DSE: variants seen among roughly 807,000 people sequenced by gnomAD.
DSE encodes dermatan sulfate epimerase, also known as dermatan-sulfate epimerase.
A neutral mutation model predicts 84.4 loss-of-function variants in DSE; 36 were observed. That is an observed-to-expected ratio of 0.43 (90% confidence interval 0.33 to 0.56). DSE has a LOEUF of 0.56. Among genes scored for constraint, DSE ranks in the 20% least tolerant of loss-of-function variants. The probability of loss-of-function intolerance (pLI) is 0.06; values close to 1 mark genes in which losing one functional copy is unlikely to be tolerated. For missense variants in DSE, 862 were observed against 1,169.6 expected (o/e 0.74, Z 3.84); for synonymous variants, 410 against 430.1 (o/e 0.95, Z 0.58).
At chr6:116,350,136 T>G (rs754264555) in intron 2 of DSE, among the ~76,000 whole-genome samples, 19 of 152,254 alleles carry the variant, frequency 1.2e-4, no homozygotes, top group Non-Finnish European at 2.2e-4. Context: ...TTTTAAATTT[T>G]ATATCTTGCT....
intron 2 of DSE, among the ~76,000 whole-genome samples, chr6:116,270,221 C>T (rs1562192835): frequency 6.6e-6 from 1 of 152,170 alleles, no homozygotes; most frequent in Non-Finnish European, 1.5e-5. Context: ...CTTGAAATTA[C>T]ATTTCCCTCA....
At chr6:116,270,115 T>C (rs1772818769) in intron 2 of DSE, among the ~76,000 whole-genome samples, 1 of 152,168 alleles carries the variant, frequency 6.6e-6, no homozygotes, top group Non-Finnish European at 1.5e-5. Flanking sequence ...TACTGAAATA[T>C]GATTACACCT....
intron 1 of DSE, among the ~76,000 whole-genome samples, chr6:116,387,158 C>T (rs913067614): frequency 3.3e-5 from 5 of 152,064 alleles, no homozygotes; most frequent in African/African-American, 1.2e-4. Context: ...AACAGAGAAA[C>T]TAACCCACAA....
At chr6:116,353,782 A>G (rs1036687392) in intron 2 of DSE, among the ~76,000 whole-genome samples, 3 of 152,238 alleles carry the variant, frequency 2.0e-5, no homozygotes, top group African/African-American at 7.2e-5. Context: ...AGCTTATTTT[A>G]TAACTGTTCT....
intron 2 of DSE, among the ~76,000 whole-genome samples, chr6:116,328,772 TG>T (rs1776778348): frequency 6.6e-6 from 1 of 152,354 alleles, no homozygotes; most frequent in African/African-American, 2.4e-5. Context: ...CTATCTGGCC[TG>T]CTGTTTAAAA....
chr6:116,380,814 A>G (rs1780175758), intron 1 of DSE, among the ~76,000 whole-genome samples: 1 of 152,220 alleles, frequency 6.6e-6, no homozygotes, highest in South Asian at 2.1e-4. Context: ...GATAACATGT[A>G]TATTCACATA....
chr6:116,402,745 C>T (rs1781674101), intron 2 of DSE, among the ~76,000 whole-genome samples: 1 of 152,092 alleles, frequency 6.6e-6, no homozygotes, highest in South Asian at 2.1e-4. Flanking sequence ...TCCATTAAAA[C>T]GTTCATTGAT....
At chr6:116,309,169 G>A (rs1775517484) in intron 2 of DSE, among the ~76,000 whole-genome samples, 1 of 152,114 alleles carries the variant, frequency 6.6e-6, no homozygotes, top group East Asian at 1.9e-4. Flanking sequence ...ATCATCTGTT[G>A]TGCTAGATGA....
rs1288397702 is a variant in DSE, at chr6:116,441,848, A to G, written c.*4503A>G. 2 of 152,250 alleles carry G rather than the reference A, an allele frequency of 1.3e-5. No homozygotes were observed. Among genetic ancestry groups the G allele is most frequent in the African/African-American group, 4.8e-5 (2 of 41,466 alleles). The allele number at this position is 152,250 out of a possible 1,614,324, so 9.4% of individuals were successfully genotyped here. ...ATAACATGTTTACAGAGCATCTACT[A>G]TATGCCAAGTATTGTTTTAGGAACT... On this transcript the variant is annotated 3_prime_UTR_variant, in exon 6 of 6. Coordinates refer to ENST00000644252, the MANE Select transcript of DSE (RefSeq NM_013352.4).
intron 1 of DSE, among the ~76,000 whole-genome samples, chr6:116,382,037 C>CTGTGTG (rs58610779): frequency 0.28 from 39,991 of 144,602 alleles, 6,186 homozygotes; most frequent in East Asian, 0.53. Context: ...ACATGGCATT[C>CTGTGTG]TGTGTGTGTG....
upstream of DSE, among the ~76,000 whole-genome samples, chr6:116,369,314 A>G (rs1310356020): frequency 6.6e-6 from 1 of 152,252 alleles, no homozygotes; most frequent in East Asian, 1.9e-4. Context: ...AGTCTCTTTC[A>G]AATTTGAGAA....
At chr6:116,413,150 G>A (rs1162470868) in intron 2 of DSE, among the ~76,000 whole-genome samples, 1 of 152,138 alleles carries the variant, frequency 6.6e-6, no homozygotes, top group South Asian at 2.1e-4. Context: ...TAGTAGTGCA[G>A]TGGACGCACA....
At chr6:116,370,354 A>G (rs964690990), upstream of DSE, 48 of 591,794 alleles carry the variant, frequency 8.1e-5, no homozygotes, top group Non-Finnish European at 9.6e-5. Flanking sequence ...AGTAAAAAAG[A>G]GAACTGCTTC....
At chr6:116,279,171 G>A in intron 2 of DSE, 1 of 1,613,196 alleles carries the variant, frequency 6.2e-7, no homozygotes, top group Non-Finnish European at 8.5e-7. Context: ...GCAAAGGCCA[G>A]GGCCCTTCTT....
At chr6:116,290,255 C>T (rs1341999455) in intron 2 of DSE, among the ~76,000 whole-genome samples, 9 of 152,166 alleles carry the variant, frequency 5.9e-5, no homozygotes, top group Admixed American at 2.0e-4. Context: ...CTAATAACTT[C>T]GTTTTCTTGG....
At position 116,437,406 on chromosome 6, in the gene DSE, A is replaced by G; in HGVS notation, c.*61A>G. 2 of 1,370,444 alleles carry G rather than the reference A, an allele frequency of 1.5e-6. No individual in the cohort carries two copies. Among genetic ancestry groups the G allele is most frequent in the Non-Finnish European group, 1.9e-6 (2 of 1,039,632 alleles). 84.9% of individuals were successfully genotyped at this position (1,370,444 alleles called of 1,614,324 possible). A position where few individuals can be genotyped will look rare whatever the true frequency, so the allele number is the denominator to read the frequency against. ...CACAAGAGTCTATGCAAAAAAAAAA[A>G]TTTCTTTACCCCAGATTATCAGATT... On this transcript the variant is annotated 3_prime_UTR_variant, in exon 6 of 6. Coordinates refer to ENST00000644252, the MANE Select transcript of DSE (RefSeq NM_013352.4).
chr6:116,262,936 T>G (rs1384886714), intron 2 of DSE, among the ~76,000 whole-genome samples: 1 of 152,254 alleles, frequency 6.6e-6, no homozygotes, highest in Non-Finnish European at 1.5e-5. Flanking sequence ...GTGAATTTCT[T>G]TGTCTTGATT....
At chr6:116,279,013 T>C in intron 2 of DSE, 2 of 1,614,118 alleles carry the variant, frequency 1.2e-6, no homozygotes, top group Non-Finnish European at 1.7e-6. Flanking sequence ...CGGGATATTC[T>C]GAATGATGTA....
intron 2 of DSE, among the ~76,000 whole-genome samples, chr6:116,318,487 G>A (rs1776120232): frequency 6.8e-6 from 1 of 147,116 alleles, no homozygotes; most frequent in South Asian, 2.2e-4. Context: ...GGGCAACAGA[G>A]TGAGATTCCA....
Sources: gnomAD v4.1 joint callset for allele counts (sites outside exome capture counted in the v4.1 genomes callset) on GRCh38, gnomAD v4.1.1 for gene constraint, MANE v1.5 for transcripts, NCBI Gene and HGNC (gene_info 2026-07-23, HGNC 2026-07-21) for gene names.